Variants in HMOX1 observed in about 807,000 individuals in gnomAD.
The protein encoded by HMOX1 is heat shock protein, 32-kD.
A neutral mutation model predicts 27.8 loss-of-function variants in HMOX1; 22 were observed. The observed-to-expected ratio is 0.79, with a 90% CI of 0.57 to 1.13. The LOEUF (loss-of-function observed/expected upper bound fraction) is 1.13, where lower values mean the gene tolerates loss of function less well. Among genes scored for constraint, HMOX1 ranks in the 50% most tolerant of loss-of-function variants. The pLI is 0.00. For synonymous variants in HMOX1, 153 were observed against 151.6 expected, an observed-to-expected ratio of 1.01 and a Z score of -0.07; for missense variants, 379 against 377.7, an observed-to-expected ratio of 1.00 and a Z score of -0.03.
chr22:35,391,680 A>G (rs1310070589), intron 4 of HMOX1, among the ~76,000 whole-genome samples: 2 of 125,826 alleles, frequency 1.6e-5, no homozygotes, highest in African/African-American at 3.2e-5. Flanking sequence ...TGCAGCTTCA[A>G]CCTCCCAGGT....
chr22:35,393,208 G>A (rs1014328432), intron 4 of HMOX1, among the ~76,000 whole-genome samples: 1 of 152,168 alleles, frequency 6.6e-6, no homozygotes, highest in African/African-American at 2.4e-5. Context: ...TGAAAACCAC[G>A]CCTGGGCCCA....
intron 2 of HMOX1, among the ~76,000 whole-genome samples, chr22:35,383,644 G>A (rs1192031201): frequency 6.6e-6 from 1 of 152,206 alleles, no homozygotes; most frequent in African/African-American, 2.4e-5. Flanking sequence ...TGTACTCCTT[G>A]TATTTCAGAG....
chr22:35,389,303 CT>C (rs1212873717), intron 3 of HMOX1, among the ~76,000 whole-genome samples: 26 of 116,748 alleles, frequency 2.2e-4, no homozygotes, highest in Middle Eastern at 4.2e-3. Flanking sequence ...TTTCTTCTTT[CT>C]TTCTTTCTTT....
In HMOX1 at chr22:35,387,022, G is replaced by T; in HGVS notation, c.482G>T (p.Gly161Val). The change falls in exon 3 of 5, where the codon GGC (glycine) becomes GTC (valine). Residue 161 changes from glycine (G) to valine (V), a missense_variant. Transcript: ENST00000216117. Reference protein sequence around the residue: ...AQKALDLPSSGEGLAFFTFPN... With the variant: ...AQKALDLPSSVEGLAFFTFPN... The stretch of plus-strand genomic sequence containing the variant: ...AAAGCCCTGGACCTGCCCAGCTCTG[G>T]CGAGGGCCTGGCCTTCTTCACCTTC... 1 of 1,613,760 alleles carries T rather than the reference G, an allele frequency of 6.2e-7. No individual in the cohort carries two copies. Among genetic ancestry groups the T allele is most frequent in the Non-Finnish European group, 8.5e-7 (1 of 1,180,030 alleles).
intron 2 of HMOX1, among the ~76,000 whole-genome samples, chr22:35,384,220 T>C (rs1931454382): frequency 6.6e-6 from 1 of 152,160 alleles, no homozygotes; most frequent in South Asian, 2.1e-4. Context: ...TAGCTGGGAC[T>C]ACAGGTGCCC....
rs1326695183 is a variant in HMOX1 at position 35,387,044 on chromosome 22, C to T, written c.504C>T (p.Thr168=). The T allele has an allele frequency of 6.2e-7, 1 of 1,613,720 alleles. No homozygotes were observed. Residue 168 remains threonine, a synonymous_variant, in exon 3 of 5, where the codon ACC becomes ACT. Coordinates refer to ENST00000216117, the MANE Select transcript of HMOX1 (RefSeq NM_002133.3). ...PSSGEGLAFF[T]FPNIASATKF... is the part of the protein sequence containing the mutation. ...CTGGCGAGGGCCTGGCCTTCTTCAC[C>T]TTCCCCAACATTGCCAGTGCCACCA...
At chr22:35,389,448 CTTTT>C (rs1931655682) in intron 3 of HMOX1, among the ~76,000 whole-genome samples, 2 of 86,186 alleles carry the variant, frequency 2.3e-5, no homozygotes, top group South Asian at 3.6e-4. Flanking sequence ...TTCTTTCTTT[CTTTT>C]CTTTCTTTCT....
chr22:35,390,377 CCAT>C (rs1161816159), intron 4 of HMOX1: 5 of 290,910 alleles, frequency 1.7e-5, no homozygotes, highest in African/African-American at 2.2e-5. Context: ...GCGCCCACCA[CCAT>C]GCCTGGCTAA....
At chr22:35,392,117 G>A (rs987400461) in intron 4 of HMOX1, among the ~76,000 whole-genome samples, 3 of 151,188 alleles carry the variant, frequency 2.0e-5, no homozygotes, top group South Asian at 2.1e-4. Flanking sequence ...CCAGCTACTC[G>A]GGAGGCTGAG....
chr22:35,382,663 CTTTTTTTCTT>C (rs1429916386), intron 1 of HMOX1, among the ~76,000 whole-genome samples: 1 of 145,650 alleles, frequency 6.9e-6, no homozygotes, highest in African/African-American at 2.6e-5. Context: ...ATGCCTGGCC[CTTTTTTTCTT>C]TTTTTTTCTT....
chr22:35,391,990 T>C (rs2145772421), intron 4 of HMOX1, among the ~76,000 whole-genome samples: 1 of 151,968 alleles, frequency 6.6e-6, no homozygotes, highest in East Asian at 1.9e-4. Context: ...TTTGGGAGGC[T>C]GAGGCACGGG....
intron 4 of HMOX1, among the ~76,000 whole-genome samples, chr22:35,391,243 G>T (rs1421924888): frequency 7.0e-6 from 1 of 143,380 alleles, no homozygotes; most frequent in African/African-American, 2.5e-5. Context: ...TCCCCTCAAC[G>T]GGGTCTGTGA....
chr22:35,383,346 T>A (rs1931429572), intron 2 of HMOX1, 120 bp downstream of exon 2: 2 of 1,154,062 alleles, frequency 1.7e-6, no homozygotes, highest in Admixed American at 2.0e-5. Flanking sequence ...TCCAATAGAA[T>A]CATCTTAAAA....
Position 35,383,225 on chromosome 22 carries a change from A to AG in HMOX1, c.144+1dup. On this transcript the variant is annotated frameshift_variant and splice_region_variant, in exon 2 of 5. Transcript: ENST00000216117. LOFTEE classifies it high-confidence loss of function. ...GGCCAGGTGACCCGAGACGGCTTCA[A>AG]GGTATGTGGCTTGGTGGGACTAGCC... 6.2e-7 allele frequency: 1 copy of AG among 1,613,296 alleles called. No homozygotes were observed. Among genetic ancestry groups the AG allele is most frequent in the Non-Finnish European group, 8.5e-7 (1 of 1,179,440 alleles).
intron 2 of HMOX1, among the ~76,000 whole-genome samples, chr22:35,385,433 A>AT (rs199925853): frequency 0.12 from 14,832 of 124,678 alleles, 2,758 homozygotes; most frequent in African/African-American, 0.39. Flanking sequence ...CCTTTGTTGG[A>AT]TTTTTTTTTT....
At chr22:35,390,678 T>C (rs1601744470) in intron 4 of HMOX1, among the ~76,000 whole-genome samples, 1 of 152,214 alleles carries the variant, frequency 6.6e-6, no homozygotes, top group Non-Finnish European at 1.5e-5. Flanking sequence ...TTCTAGCTTA[T>C]TGGCTCAGAA....
chr22:35,388,977 G>A (rs181784116), intron 3 of HMOX1, among the ~76,000 whole-genome samples: 11 of 152,152 alleles, frequency 7.2e-5, no homozygotes, highest in Middle Eastern at 3.4e-3. Flanking sequence ...AGAAAGCAGC[G>A]GCAGAAGAGT....
intron 3 of HMOX1, among the ~76,000 whole-genome samples, chr22:35,389,428 C>CT (rs1487640528): frequency 1.6e-5 from 1 of 63,984 alleles, no homozygotes; most frequent in East Asian, 4.1e-4. Flanking sequence ...TTCTTTCTTT[C>CT]TATCTTTCTT....
intron 2 of HMOX1, among the ~76,000 whole-genome samples, chr22:35,384,819 C>T (rs968726576): frequency 6.7e-6 from 1 of 149,958 alleles, no homozygotes; most frequent in African/African-American, 2.5e-5. Flanking sequence ...CACAGTCACA[C>T]GGACCTCAGA....
Sources: gnomAD v4.1 joint callset for allele counts (sites outside exome capture counted in the v4.1 genomes callset) on GRCh38, gnomAD v4.1.1 for gene constraint, MANE v1.5 for transcripts, NCBI Gene and HGNC (gene_info 2026-07-23, HGNC 2026-07-21) for gene names.